RTN1: variants seen among roughly 807,000 people sequenced by gnomAD.
RTN1 encodes reticulon 1.
RTN1 carries 25 observed loss-of-function variants against 65.5 expected under a neutral mutation model. The observed-to-expected ratio is 0.38, with a 90% CI of 0.28 to 0.53. The LOEUF (loss-of-function observed/expected upper bound fraction) is 0.53, where lower values mean the gene tolerates loss of function less well. RTN1 is among the 20% of genes least tolerant of loss of function. RTN1 has a pLI of 0.79. For missense variants in RTN1, 983 were observed against 1,025.4 expected (o/e 0.96, Z 0.57); for synonymous variants, 471 against 447.6 (o/e 1.05, Z -0.66).
At chr14:59,821,678 G>C (rs1886946997) in intron 1 of RTN1, among the ~76,000 whole-genome samples, 1 of 152,092 alleles carries the variant, frequency 6.6e-6, no homozygotes, top group South Asian at 2.1e-4. Context: ...ACTATCTTGA[G>C]GTATGATCTT....
At chr14:59,728,965 A>T (rs1041189855) in intron 2 of RTN1, among the ~76,000 whole-genome samples, 7 of 152,220 alleles carry the variant, frequency 4.6e-5, no homozygotes, top group African/African-American at 1.7e-4. Flanking sequence ...GTATGTTAGA[A>T]GATGTTAAGT....
intron 3 of RTN1, among the ~76,000 whole-genome samples, chr14:59,616,508 T>C (rs1247085882): frequency 6.6e-6 from 1 of 152,210 alleles, no homozygotes; most frequent in African/African-American, 2.4e-5. Context: ...AAGTGGCATT[T>C]GGTTTACTTT....
intron 1 of RTN1, among the ~76,000 whole-genome samples, chr14:59,788,218 A>C (rs1886287219): frequency 6.6e-6 from 1 of 152,222 alleles, no homozygotes; most frequent in Admixed American, 6.5e-5. Context: ...AAGTTTATCA[A>C]GAAGGCAAAT....
At chr14:59,772,707 C>T (rs1049494539) in intron 1 of RTN1, among the ~76,000 whole-genome samples, 1 of 152,016 alleles carries the variant, frequency 6.6e-6, no homozygotes, top group African/African-American at 2.4e-5. Context: ...CCAAGATGAA[C>T]GAGGCTCATA....
At chr14:59,634,147 T>G (rs1882613809) in intron 3 of RTN1, among the ~76,000 whole-genome samples, 1 of 152,078 alleles carries the variant, frequency 6.6e-6, no homozygotes, top group African/African-American at 2.4e-5. Context: ...ATTTGCTATT[T>G]TATAAGGAGG....
At chr14:59,655,328 C>CT (rs1883101628) in intron 3 of RTN1, among the ~76,000 whole-genome samples, 2 of 152,094 alleles carry the variant, frequency 1.3e-5, no homozygotes, top group South Asian at 4.1e-4. Context: ...AATGAAATGA[C>CT]TTTTTTTGTT....
intron 3 of RTN1, among the ~76,000 whole-genome samples, chr14:59,698,510 T>C (rs1441041620): frequency 6.6e-6 from 1 of 152,120 alleles, no homozygotes; most frequent in East Asian, 1.9e-4. Context: ...AATTGAATTG[T>C]GGGGGCAAGT....
At chr14:59,817,559 A>C (rs1166153006) in intron 1 of RTN1, among the ~76,000 whole-genome samples, 1 of 151,918 alleles carries the variant, frequency 6.6e-6, no homozygotes, top group African/African-American at 2.4e-5. Flanking sequence ...GGTGTCCTCC[A>C]CCACTTCTTT....
At chr14:59,699,969 G>A (rs1884144690) in intron 3 of RTN1, among the ~76,000 whole-genome samples, 1 of 152,084 alleles carries the variant, frequency 6.6e-6, no homozygotes, top group South Asian at 2.1e-4. Context: ...TTTCTGTCAA[G>A]GGCCAAACAG....
At chr14:59,619,935 C>T (rs147676694) in intron 3 of RTN1, among the ~76,000 whole-genome samples, 3 of 151,796 alleles carry the variant, frequency 2.0e-5, no homozygotes, top group African/African-American at 4.8e-5. Context: ...GAAGCCTTAT[C>T]GTAAGGGGCT....
intron 3 of RTN1, among the ~76,000 whole-genome samples, chr14:59,661,486 A>C (rs945160772): frequency 6.6e-6 from 1 of 152,142 alleles, no homozygotes; most frequent in Non-Finnish European, 1.5e-5. Context: ...GATGAACATC[A>C]ATGCAAAAAT....
chr14:59,666,389 C>G (rs1883374874), intron 3 of RTN1, among the ~76,000 whole-genome samples: 1 of 151,980 alleles, frequency 6.6e-6, no homozygotes, highest in South Asian at 2.1e-4. Context: ...TCTTTGAAAC[C>G]AATGAGAACA....
Position 59,870,489 on chromosome 14 carries a change from T to G in RTN1, c.142A>C (p.Ser48Arg). 6.8e-6 allele frequency: 10 copies of G among 1,463,084 alleles called. No homozygotes were observed. The highest frequency in any genetic ancestry group is 9.0e-6 in the Non-Finnish European group (10 of 1,114,588). The allele number at this position is 1,463,084 out of a possible 1,614,324, so 90.6% of individuals were successfully genotyped here. The change falls in exon 1 of 9, where the codon AGC becomes CGC. Residue 48 changes from serine (S) to arginine (R), a missense_variant. Coordinates refer to ENST00000267484, the MANE Select transcript of RTN1 (RefSeq NM_021136.3). This position sits in a 1 kb window ranked among gnomAD's most constrained non-coding sequence, Gnocchi z 5.1. ...CGGGCCCTGGCGCCCAACCCCGGGC[T>G]GGGCTCCCCAGCCTGCGGCGCCGGC... ...ATPAPQAGEP[S>R]PGLGARAREA...
intron 2 of RTN1, among the ~76,000 whole-genome samples, chr14:59,744,191 G>A (rs1230100145): frequency 2.0e-5 from 3 of 152,242 alleles, no homozygotes; most frequent in African/African-American, 4.8e-5. Flanking sequence ...TAGAGCAATC[G>A]CTCCTCCTCT....
intron 3 of RTN1, among the ~76,000 whole-genome samples, chr14:59,687,070 G>A (rs1044297488): frequency 6.6e-5 from 10 of 152,180 alleles, no homozygotes; most frequent in African/African-American, 2.4e-4. Flanking sequence ...CGGGGTGGGA[G>A]GAGAGCCGCT....
chr14:59,866,159 T>C (rs1043937421), intron 1 of RTN1, among the ~76,000 whole-genome samples: 1 of 152,170 alleles, frequency 6.6e-6, no homozygotes, highest in African/African-American at 2.4e-5. Flanking sequence ...AATTAAATAC[T>C]GTGAATCAGA....
At chr14:59,701,367 C>A (rs1358298705) in intron 3 of RTN1, among the ~76,000 whole-genome samples, 1 of 152,194 alleles carries the variant, frequency 6.6e-6, no homozygotes, top group Non-Finnish European at 1.5e-5. Flanking sequence ...AAAACCTGTA[C>A]ATGAATGGTC....
At chr14:59,741,975 G>C (rs1368684840) in intron 2 of RTN1, among the ~76,000 whole-genome samples, 3 of 152,138 alleles carry the variant, frequency 2.0e-5, no homozygotes, top group Non-Finnish European at 2.9e-5. Context: ...TTATGGGTTT[G>C]TTTTTTATTG....
chr14:59,764,663 TA>T (rs1409557388), intron 1 of RTN1, among the ~76,000 whole-genome samples: 1 of 152,198 alleles, frequency 6.6e-6, no homozygotes, highest in Non-Finnish European at 1.5e-5. Flanking sequence ...TAACATTTTT[TA>T]AAACTAGAAG....
Sources: allele counts gnomAD v4.1 joint callset (sites outside exome capture counted in the v4.1 genomes callset), GRCh38; gene constraint gnomAD v4.1.1; non-coding constraint Gnocchi (gnomAD v3.1); transcripts MANE v1.5; gene names NCBI Gene and HGNC (gene_info 2026-07-23, HGNC 2026-07-21).